The following CTNNA3 variants were observed in gnomAD, a reference collection of about 807,000 sequenced individuals.
CTNNA3 encodes catenin alpha-3.
A neutral mutation model predicts 95.7 loss-of-function variants in CTNNA3; 76 were observed. That is an observed-to-expected ratio of 0.79 (90% confidence interval 0.66 to 0.96). The LOEUF (loss-of-function observed/expected upper bound fraction) is 0.96. Among genes scored for constraint, CTNNA3 ranks in the 40% least tolerant of loss-of-function variants. The pLI is 0.00. For synonymous variants in CTNNA3, 431 were observed against 374.4 expected, an observed-to-expected ratio of 1.15 and a Z score of -1.74; for missense variants, 1,191 against 1,089.8, an observed-to-expected ratio of 1.09 and a Z score of -1.31.
intron 7 of CTNNA3, among the ~76,000 whole-genome samples, chr10:67,141,465 G>A (rs963541073): frequency 3.3e-5 from 5 of 152,084 alleles, no homozygotes; most frequent in African/African-American, 9.7e-5. Flanking sequence ...CATTATCCCC[G>A]GGAAGTGTGG....
intron 11 of CTNNA3, among the ~76,000 whole-genome samples, chr10:66,511,057 ATCT>A (rs150031248): frequency 0.032 from 4,930 of 151,766 alleles, 250 homozygotes; most frequent in African/African-American, 0.11. Flanking sequence ...TACTGATTTA[ATCT>A]TCTTATTTGT....
intron 1 of CTNNA3, among the ~76,000 whole-genome samples, chr10:67,657,703 C>A (rs1053121939): frequency 1.3e-5 from 2 of 151,572 alleles, no homozygotes; most frequent in Non-Finnish European, 2.9e-5. Context: ...AAATATTAGC[C>A]GGGAATTGTG....
intron 8 of CTNNA3, among the ~76,000 whole-genome samples, chr10:66,767,423 G>T (rs2132790236): frequency 7.0e-6 from 1 of 143,268 alleles, no homozygotes; most frequent in East Asian, 2.1e-4. Flanking sequence ...TCTAGCCCAG[G>T]CAACAGAGTG....
At chr10:66,060,172 A>C (rs1172586934) in intron 15 of CTNNA3, among the ~76,000 whole-genome samples, 1 of 152,084 alleles carries the variant, frequency 6.6e-6, no homozygotes, top group African/African-American at 2.4e-5. Context: ...AATGGGTCTC[A>C]AGTGTTATGA....
intron 7 of CTNNA3, among the ~76,000 whole-genome samples, chr10:67,084,491 A>G (rs1857202666): frequency 6.6e-6 from 1 of 151,958 alleles, no homozygotes; most frequent in Non-Finnish European, 1.5e-5. Context: ...ATTCTACTCT[A>G]AATTTCATTC....
intron 5 of CTNNA3, among the ~76,000 whole-genome samples, chr10:67,337,162 A>T (rs932616943): frequency 3.3e-5 from 5 of 152,192 alleles, no homozygotes; most frequent in Admixed American, 2.6e-4. Context: ...AGAATTCACC[A>T]TTCTAGATGC....
At chr10:67,340,438 C>A (rs1020713401) in intron 5 of CTNNA3, among the ~76,000 whole-genome samples, 4 of 152,306 alleles carry the variant, frequency 2.6e-5, no homozygotes, top group African/African-American at 9.6e-5. Flanking sequence ...ACTGCCCATG[C>A]AGTGTCTATG....
At chr10:67,750,508 C>G in intron 1 of CTNNA3, 1 of 1,564,538 alleles carries the variant, frequency 6.4e-7, no homozygotes. Context: ...ACCTCTTCAT[C>G]ATCAACAAGT....
chr10:66,589,364 A>C (rs191505915), intron 10 of CTNNA3, among the ~76,000 whole-genome samples: 52 of 152,220 alleles, frequency 3.4e-4, no homozygotes, highest in African/African-American at 1.3e-3. Flanking sequence ...GGCAATATAT[A>C]TCCATGCCCA....
intron 11 of CTNNA3, among the ~76,000 whole-genome samples, chr10:66,509,943 T>C (rs190271918): frequency 6.6e-6 from 1 of 152,080 alleles, no homozygotes; most frequent in East Asian, 1.9e-4. Flanking sequence ...GGAATGACAG[T>C]GTTATTTTGA....
chr10:67,481,391 T>C lies in CTNNA3; in HGVS notation c.579+40451A>G, dbSNP rs554244123. On this transcript the variant is annotated intron_variant, in intron 5 of 17. Transcript: ENST00000433211. ...TATCTAGAAAACCCTAAAGACTCTA[T>C]CTAAAGGCTCCTGAAACAGATAAAC... 9.2e-5 allele frequency among the ~76,000 whole-genome samples: 14 copies of C among 152,174 alleles called. No homozygotes were observed. In the South Asian group the frequency reaches 2.7e-3, roughly 29 times the overall value.
intron 13 of CTNNA3, among the ~76,000 whole-genome samples, chr10:66,104,704 A>G (rs971520215): frequency 6.6e-6 from 1 of 152,236 alleles, no homozygotes; most frequent in South Asian, 2.1e-4. Flanking sequence ...TAGGTTTCAT[A>G]GAAAACAACC....
intron 10 of CTNNA3, among the ~76,000 whole-genome samples, chr10:66,558,994 A>G (rs1842472150): frequency 6.6e-6 from 1 of 152,120 alleles, no homozygotes; most frequent in Admixed American, 6.6e-5. Flanking sequence ...TGTTCCATAA[A>G]TCAGTAAATG....
chr10:66,841,750 T>C (rs1843072211), intron 7 of CTNNA3, among the ~76,000 whole-genome samples: 1 of 152,140 alleles, frequency 6.6e-6, no homozygotes, highest in South Asian at 2.1e-4. Context: ...GGCTAACAAG[T>C]GCTAGGTTCA....
At chr10:66,601,586 T>A (rs1026026163) in intron 10 of CTNNA3, among the ~76,000 whole-genome samples, 50 of 152,052 alleles carry the variant, frequency 3.3e-4, no homozygotes, top group African/African-American at 8.9e-4. Flanking sequence ...GCACACTGTC[T>A]GTTATACTAA....
chr10:66,286,373 T>C (rs2091589042), intron 12 of CTNNA3, among the ~76,000 whole-genome samples: 1 of 152,050 alleles, frequency 6.6e-6, no homozygotes, highest in Non-Finnish European at 1.5e-5. Flanking sequence ...TTACTTTGAT[T>C]TTTTAAAAAA....
At chr10:65,973,902 T>A (rs2078159560) in intron 16 of CTNNA3, among the ~76,000 whole-genome samples, 1 of 152,018 alleles carries the variant, frequency 6.6e-6, no homozygotes, top group Non-Finnish European at 1.5e-5. Context: ...AACATGAGAT[T>A]TGGGAAGGAC....
intron 7 of CTNNA3, among the ~76,000 whole-genome samples, chr10:66,905,168 A>G (rs1443840937): frequency 1.3e-5 from 2 of 152,240 alleles, no homozygotes; most frequent in Admixed American, 1.3e-4. Context: ...TGGCACATAT[A>G]CACCATGGAA....
chr10:66,384,993 A>T (rs985445804), intron 11 of CTNNA3, among the ~76,000 whole-genome samples: 1 of 152,230 alleles, frequency 6.6e-6, no homozygotes, highest in Non-Finnish European at 1.5e-5. Flanking sequence ...AAAGCAGGAA[A>T]GATCTAAAAT....
Sources: allele counts gnomAD v4.1 joint callset (sites outside exome capture counted in the v4.1 genomes callset), GRCh38; gene constraint gnomAD v4.1.1; transcripts MANE v1.5; gene names NCBI Gene and HGNC (gene_info 2026-07-23, HGNC 2026-07-21).